Variants in SLC41A2 observed in about 807,000 individuals in gnomAD.
SLC41A2 encodes the protein solute carrier family 41 member 2, also known as SLC41A1-like 1.
In SLC41A2, 32 loss-of-function variants were observed where a neutral mutation model predicts 58.3. The ratio of observed to expected loss-of-function variants is 0.55; its 90% CI spans 0.41 to 0.74. SLC41A2 has a LOEUF of 0.74. Among genes scored for constraint, SLC41A2 ranks in the 30% least tolerant of loss-of-function variants. The probability of loss-of-function intolerance (pLI) is 0.00; values close to 1 mark genes in which losing one functional copy is unlikely to be tolerated. For synonymous variants in SLC41A2, 190 were observed against 235.0 expected, an observed-to-expected ratio of 0.81 and a Z score of 1.75; for missense variants, 514 against 680.6, an observed-to-expected ratio of 0.76 and a Z score of 2.72.
chr12:104,866,495 G>A lies in SLC41A2; in HGVS notation c.1112C>T (p.Pro371Leu). 6.2e-7 allele frequency: 1 copy of A among 1,612,480 alleles called. No individual in the cohort carries two copies. The highest frequency in any genetic ancestry group is 1.1e-5 in the South Asian group (1 of 91,002). Residue 371 changes from proline (P) to leucine (L), a missense_variant, in exon 7 of 11, where the codon CCA becomes CTA. Transcript: ENST00000258538. Reference sequence around the variant, plus strand: ...TGAGTGGAGAACTGTTCTTGTGGCTGGATGTTTGGCAGCTATTATAATCCA... The same window carrying A: ...TGAGTGGAGAACTGTTCTTGTGGCTAGATGTTTGGCAGCTATTATAATCCA... ...PIWIIIAAKH[P>L]ATRTVLHSGW...
At chr12:104,885,426 AAAACG>A (rs1364833381) in intron 6 of SLC41A2, among the ~76,000 whole-genome samples, 4 of 152,316 alleles carry the variant, frequency 2.6e-5, no homozygotes, top group Admixed American at 1.3e-4. Context: ...CTTACTTCTT[AAAACG>A]AAACATGCTT....
chr12:104,890,706 A>G (rs1042105780), intron 4 of SLC41A2, among the ~76,000 whole-genome samples: 2 of 152,268 alleles, frequency 1.3e-5, no homozygotes, highest in African/African-American at 4.8e-5. Flanking sequence ...AGGCCTGAAG[A>G]GATGTTTGGT....
At chr12:104,845,573 A>AT (rs565339329) in intron 9 of SLC41A2, among the ~76,000 whole-genome samples, 1 of 151,830 alleles carries the variant, frequency 6.6e-6, no homozygotes, top group Non-Finnish European at 1.5e-5. Context: ...CCTGGCAATT[A>AT]TTTTTTTTGT....
intron 10 of SLC41A2, among the ~76,000 whole-genome samples, chr12:104,814,271 C>T (rs1004957044): frequency 6.6e-6 from 1 of 151,934 alleles, no homozygotes; most frequent in Non-Finnish European, 1.5e-5. Flanking sequence ...CCCTGTAGAC[C>T]CAACTACTCA....
chr12:104,944,792 T>C (rs898629805), intron 1 of SLC41A2, among the ~76,000 whole-genome samples: 3 of 151,988 alleles, frequency 2.0e-5, no homozygotes, highest in African/African-American at 4.8e-5. Flanking sequence ...TAGTTAAAAG[T>C]GTGTTTCTAA....
At chr12:104,956,679 CAAATAAAT>C (rs150289339) in intron 1 of SLC41A2, among the ~76,000 whole-genome samples, 14 of 151,058 alleles carry the variant, frequency 9.3e-5, no homozygotes, top group Admixed American at 2.6e-4. Flanking sequence ...AGTCAGTCTC[CAAATAAAT>C]AAATAAATAA....
chr12:104,938,678 C>CAACAGGGTACACAT (rs1325961570), intron 1 of SLC41A2, among the ~76,000 whole-genome samples: 1 of 152,182 alleles, frequency 6.6e-6, no homozygotes, highest in African/African-American at 2.4e-5. Flanking sequence ...CCACAGCAAT[C>CAACAGGGTACACAT]AACAGGGTAC....
chr12:104,847,832 G>A (rs1030792232), intron 8 of SLC41A2, among the ~76,000 whole-genome samples: 27 of 152,056 alleles, frequency 1.8e-4, no homozygotes, highest in Admixed American at 5.9e-4. Flanking sequence ...ATTCAATGTC[G>A]TTGTATTATA....
intron 6 of SLC41A2, among the ~76,000 whole-genome samples, chr12:104,885,356 A>G (rs1315101998): frequency 6.6e-6 from 1 of 152,170 alleles, no homozygotes; most frequent in Non-Finnish European, 1.5e-5. Flanking sequence ...AGTCACAGAA[A>G]ATTATTGCCT....
intron 3 of SLC41A2, among the ~76,000 whole-genome samples, chr12:104,909,363 C>T (rs1387444464): frequency 4.6e-5 from 7 of 152,082 alleles, no homozygotes; most frequent in East Asian, 3.8e-4. Context: ...AACCAACCAT[C>T]GAACCACAAA....
intron 1 of SLC41A2, among the ~76,000 whole-genome samples, chr12:104,944,805 T>G (rs2047647150): frequency 6.6e-6 from 1 of 151,660 alleles, no homozygotes; most frequent in South Asian, 2.1e-4. Context: ...GTTTCTAATA[T>G]CCACTGGCAT....
At chr12:104,900,873 A>G (rs762589866) in intron 3 of SLC41A2, among the ~76,000 whole-genome samples, 14 of 152,344 alleles carry the variant, frequency 9.2e-5, no homozygotes, top group Admixed American at 2.6e-4. Context: ...AATCTAACTT[A>G]AAGTTACTAG....
intron 2 of SLC41A2, among the ~76,000 whole-genome samples, chr12:104,924,520 G>A (rs112553258): frequency 4.6e-5 from 7 of 152,140 alleles, no homozygotes; most frequent in Admixed American, 6.5e-5. Flanking sequence ...TGAGGCAGGC[G>A]GATCACCTGA....
intron 2 of SLC41A2, among the ~76,000 whole-genome samples, chr12:104,913,769 T>C (rs920903162): frequency 1.3e-5 from 2 of 152,132 alleles, no homozygotes; most frequent in African/African-American, 4.8e-5. Flanking sequence ...TTTATGTACC[T>C]CATCATTCAA....
At chr12:104,938,254 G>T (rs1332786211) in intron 1 of SLC41A2, among the ~76,000 whole-genome samples, 1 of 152,134 alleles carries the variant, frequency 6.6e-6, no homozygotes, top group East Asian at 1.9e-4. Flanking sequence ...AGGTTCCAAA[G>T]GTATTGGTTA....
chr12:104,920,825 G>A (rs1276829530), intron 2 of SLC41A2, among the ~76,000 whole-genome samples: 1 of 152,068 alleles, frequency 6.6e-6, no homozygotes, highest in Non-Finnish European at 1.5e-5. Context: ...TAGGGAGGCT[G>A]AGGTAGGAGA....
At chr12:104,918,645 A>AAC (rs2046444652) in intron 2 of SLC41A2, among the ~76,000 whole-genome samples, 2 of 151,432 alleles carry the variant, frequency 1.3e-5, no homozygotes, top group Admixed American at 1.3e-4. Flanking sequence ...AAAAAAAAAA[A>AAC]AACTAAAAAC....
At chr12:104,869,721 C>T (rs1396195394) in intron 6 of SLC41A2, among the ~76,000 whole-genome samples, 1 of 152,072 alleles carries the variant, frequency 6.6e-6, no homozygotes, top group African/African-American at 2.4e-5. Flanking sequence ...ACTTCTAATC[C>T]AATTTTGATA....
chr12:104,881,293 G>T (rs915841544), intron 6 of SLC41A2, among the ~76,000 whole-genome samples: 1 of 152,028 alleles, frequency 6.6e-6, no homozygotes, highest in Non-Finnish European at 1.5e-5. Context: ...TTTTTTGAAG[G>T]GTTCTTTTGT....
Sources: gnomAD v4.1 joint callset for allele counts (sites outside exome capture counted in the v4.1 genomes callset) on GRCh38, gnomAD v4.1.1 for gene constraint, MANE v1.5 for transcripts, NCBI Gene and HGNC (gene_info 2026-07-23, HGNC 2026-07-21) for gene names.